NINJ2: variants seen among roughly 807,000 people sequenced by gnomAD.
NINJ2 encodes the protein ninjurin 2.
In NINJ2, 12 loss-of-function variants were observed where a neutral mutation model predicts 11.7. The ratio of observed to expected loss-of-function variants is 1.02; its 90% confidence interval spans 0.66 to 1.66. The LOEUF is 1.66. Among genes scored for constraint, NINJ2 ranks in the 40% most tolerant of loss-of-function variants. The probability of loss-of-function intolerance (pLI) is 0.00; values close to 1 mark genes in which losing one functional copy is unlikely to be tolerated. For missense variants in NINJ2, 187 were observed against 181.8 expected (o/e 1.03, Z -0.16); for synonymous variants, 93 against 76.8 (o/e 1.21, Z -1.10).
At chr12:587,565 C>G (rs10849289) in intron 1 of NINJ2, among the ~76,000 whole-genome samples, 40,229 of 152,158 alleles carry the variant, frequency 0.26, 5,625 homozygotes, top group South Asian at 0.37. Flanking sequence ...TGAAGTTCTA[C>G]AGCTGGGAGG....
chr12:611,547 A>T (rs1437304904), intron 1 of NINJ2, among the ~76,000 whole-genome samples: 1 of 152,246 alleles, frequency 6.6e-6, no homozygotes, highest in African/African-American at 2.4e-5. Flanking sequence ...CATGTTGGCC[A>T]GGCTGGTCTC....
At chr12:576,221 G>C (rs1280773869) in intron 1 of NINJ2, among the ~76,000 whole-genome samples, 1 of 152,168 alleles carries the variant, frequency 6.6e-6, no homozygotes. Flanking sequence ...CTGCAGCACC[G>C]AGAGGCCACG....
Position 591,713 on chromosome 12 carries a change from G to A in NINJ2, c.34-25535C>T, listed in dbSNP as rs1386706637. Among the ~76,000 whole-genome samples the A allele has an allele frequency of 6.6e-6, 1 of 152,184 alleles. No individual in the cohort carries two copies. The highest frequency in any genetic ancestry group is 2.1e-4 in the South Asian group (1 of 4,832). Reference sequence around the variant, plus strand: ...CTGGCTTCTCGCCCCAGGTCCCTTGGGCACGTCTTATCTTATCGTGCAGCT... The same window carrying A: ...CTGGCTTCTCGCCCCAGGTCCCTTGAGCACGTCTTATCTTATCGTGCAGCT... On this transcript the variant is annotated intron_variant, in intron 1 of 3. Transcript: ENST00000305108. The surrounding 1 kb of genome is among the most constrained non-coding windows in gnomAD (Gnocchi z 5.0).
chr12:610,606 G>T (rs1948015727), intron 1 of NINJ2: 5 of 985,322 alleles, frequency 5.1e-6, no homozygotes, highest in African/African-American at 1.7e-5. Context: ...CCCAGCCACA[G>T]GAGGGGGTTA....
intron 1 of NINJ2, among the ~76,000 whole-genome samples, chr12:605,119 CGG>C (rs1947924508): frequency 6.6e-6 from 1 of 152,164 alleles, no homozygotes; most frequent in South Asian, 2.1e-4. Context: ...GTGTGAGATG[CGG>C]CCTACTCATG....
intron 1 of NINJ2, among the ~76,000 whole-genome samples, chr12:569,506 C>A (rs946682309): frequency 1.3e-5 from 2 of 152,240 alleles, no homozygotes; most frequent in African/African-American, 2.4e-5. Flanking sequence ...TAGCAGCAAG[C>A]TTTGCCCTTT....
At chr12:567,145 TGGA>T (rs1161536522) in intron 1 of NINJ2, among the ~76,000 whole-genome samples, 8 of 152,264 alleles carry the variant, frequency 5.3e-5, no homozygotes, top group South Asian at 4.1e-4. Context: ...CAGGAAGGAA[TGGA>T]GGACTCTGAA....
In NINJ2 at chr12:569,922, CCA is replaced by C. The variant is rs527553728; in HGVS notation, c.34-3746_34-3745del. Among the ~76,000 whole-genome samples the C allele has an allele frequency of 6.1e-3, 926 of 152,304 alleles. 4 individuals are homozygous for C. Among genetic ancestry groups the C allele is most frequent in the Admixed American group, 8.8e-3 (134 of 15,308 alleles). ...GGTGTCCCCGCCTGCTCCAGAGTGT[CCA>C]CACGGTGGCGCGCGCGGTCCAGAGA... On this transcript the variant is annotated intron_variant, in intron 1 of 3. Coordinates refer to ENST00000305108, the MANE Select transcript of NINJ2 (RefSeq NM_016533.6).
At chr12:610,276 C>T in intron 1 of NINJ2, 1 of 1,356,384 alleles carries the variant, frequency 7.4e-7, no homozygotes, top group Non-Finnish European at 1.0e-6. Flanking sequence ...CCCTCTTCAC[C>T]TGCCCAGTCC....
chr12:662,531 G>T (rs1937971896), intron 1 of NINJ2, among the ~76,000 whole-genome samples: 1 of 152,196 alleles, frequency 6.6e-6, no homozygotes, highest in Non-Finnish European at 1.5e-5. Context: ...CAGGTTCAGG[G>T]ATCAGAAATT....
intron 1 of NINJ2, among the ~76,000 whole-genome samples, chr12:625,981 G>A (rs950422727): frequency 2.0e-5 from 3 of 152,168 alleles, no homozygotes; most frequent in Admixed American, 6.5e-5. Flanking sequence ...TATCATGATC[G>A]GTGAGGGATT....
chr12:564,389 A>C lies in NINJ2; in HGVS notation c.*311T>G, dbSNP rs1400334439. ...GAAGGAAGCAGTGGGGTAGAGTCAG[A>C]ACCAGCATCCTTAAGCCGGGCAGAC... On this transcript the variant is annotated 3_prime_UTR_variant, in exon 4 of 4. Coordinates refer to ENST00000305108, the MANE Select transcript of NINJ2 (RefSeq NM_016533.6). 6.6e-6 allele frequency: 1 copy of C among 152,286 alleles called. No homozygotes were observed. Among genetic ancestry groups the C allele is most frequent in the Non-Finnish European group, 1.5e-5 (1 of 68,074 alleles). 9.4% of individuals were successfully genotyped at this position (152,286 alleles called of 1,614,324 possible).
In NINJ2 at chr12:634,265, CTTTTTTTTTT is replaced by C. The variant is rs67797144; in HGVS notation, c.33+29053_33+29062del. On this transcript the variant is annotated intron_variant, in intron 1 of 3. Transcript: ENST00000305108. ...AAATAAATGTTGATTAGTTGCAGTT[CTTTTTTTTTT>C]TTTTTTTTTTTTTTTGCACTGTCTC... Among the ~76,000 whole-genome samples the C allele has an allele frequency of 2.9e-4, 17 of 59,530 alleles. 1 individual carries two copies. In the South Asian group the frequency reaches 5.4e-3, roughly 19 times the overall value. The allele number at this position is 59,530 out of a possible 152,430, so 39.1% of individuals were successfully genotyped here.
chr12:647,700 T>C (rs995684665), intron 1 of NINJ2, among the ~76,000 whole-genome samples: 3 of 152,210 alleles, frequency 2.0e-5, no homozygotes, highest in Non-Finnish European at 2.9e-5. Flanking sequence ...TTAACGGATT[T>C]AAGTAAGACC....
intron 1 of NINJ2, among the ~76,000 whole-genome samples, chr12:660,127 AG>A (rs1214993872): frequency 3.1e-4 from 43 of 140,892 alleles, no homozygotes; most frequent in African/African-American, 1.1e-3. Flanking sequence ...CACTAAAAAA[AG>A]AAAAAAAAAA....
At chr12:642,931 C>A (rs930204990) in intron 1 of NINJ2, 2 of 149,246 alleles carry the variant, frequency 1.3e-5, no homozygotes, top group Admixed American at 1.3e-4. Context: ...GCTCCCGGGC[C>A]CCGGCCGCCC....
In NINJ2 at chr12:584,398, C is replaced by G. The variant is rs146145662; in HGVS notation, c.34-18220G>C. Among the ~76,000 whole-genome samples, 112 of 152,250 alleles carry G rather than the reference C, an allele frequency of 7.4e-4. 1 individual carries two copies. The East Asian group carries it at 0.02, about 28-fold the overall frequency. On this transcript the variant is annotated intron_variant, in intron 1 of 3. Coordinates refer to ENST00000305108, the MANE Select transcript of NINJ2 (RefSeq NM_016533.6). ...CATGAAAAACTTTTTTGGCTGGACA[C>G]GGTGGCTCACGCCTGTAATCCCAGC...
chr12:599,239 C>T (rs997230760), intron 1 of NINJ2, among the ~76,000 whole-genome samples: 1 of 151,826 alleles, frequency 6.6e-6, no homozygotes, highest in Non-Finnish European at 1.5e-5. Flanking sequence ...AAAAAACTAG[C>T]CAGGTGTGGT....
At chr12:637,810 G>C (rs546514277) in intron 1 of NINJ2, among the ~76,000 whole-genome samples, 3 of 152,098 alleles carry the variant, frequency 2.0e-5, no homozygotes, top group East Asian at 1.9e-4. Flanking sequence ...TAGTGCTTAC[G>C]GGTGGGGTAA....
Sources: allele counts gnomAD v4.1 joint callset (sites outside exome capture counted in the v4.1 genomes callset), GRCh38; gene constraint gnomAD v4.1.1; non-coding constraint Gnocchi (gnomAD v3.1); transcripts MANE v1.5; gene names NCBI Gene and HGNC (gene_info 2026-07-23, HGNC 2026-07-21).